Variants in CERS6 observed in about 807,000 individuals in gnomAD.
The protein encoded by CERS6 is ceramide synthase 6, also known as LAG1 homolog, ceramide synthase 6.
CERS6 carries 26 observed loss-of-function variants against 56.8 expected under a neutral mutation model. The ratio of observed to expected loss-of-function variants is 0.46; its 90% CI spans 0.34 to 0.63. CERS6 has a LOEUF of 0.63. CERS6 is among the 30% of genes least tolerant of loss of function. The pLI is 0.01. For missense variants in CERS6, 415 were observed against 467.5 expected (o/e 0.89, Z 1.04); for synonymous variants, 164 against 173.3 (o/e 0.95, Z 0.42).
intron 1 of CERS6, among the ~76,000 whole-genome samples, chr2:168,467,184 T>C (rs891093025): frequency 2.0e-5 from 3 of 152,186 alleles, no homozygotes; most frequent in Non-Finnish European, 4.4e-5. Flanking sequence ...GGAGGGTGTT[T>C]AGAAAACCAT....
intron 1 of CERS6, among the ~76,000 whole-genome samples, chr2:168,514,575 C>T (rs902522419): frequency 9.2e-5 from 14 of 152,182 alleles, no homozygotes; most frequent in African/African-American, 3.4e-4. Flanking sequence ...GGAAGGTTTA[C>T]TTATTAGCAA....
chr2:168,759,455 G>T (rs1684507160), intron 8 of CERS6, among the ~76,000 whole-genome samples: 1 of 152,132 alleles, frequency 6.6e-6, no homozygotes, highest in Admixed American at 6.5e-5. Flanking sequence ...AATGGTCTCA[G>T]GTCCCTTCTG....
intron 1 of CERS6, among the ~76,000 whole-genome samples, chr2:168,535,643 C>T (rs1695248227): frequency 6.7e-6 from 1 of 148,856 alleles, no homozygotes; most frequent in African/African-American, 2.5e-5. Flanking sequence ...GCCATCTTGG[C>T]CCTGCCCAAC....
chr2:168,486,537 T>TTTTTTC (rs1694279122), intron 1 of CERS6, among the ~76,000 whole-genome samples: 1 of 151,594 alleles, frequency 6.6e-6, no homozygotes, highest in Non-Finnish European at 1.5e-5. Flanking sequence ...TTTTTTTTTT[T>TTTTTTC]TGCCTATGGC....
At chr2:168,548,733 T>C (rs1462634046) in intron 2 of CERS6, among the ~76,000 whole-genome samples, 1 of 152,246 alleles carries the variant, frequency 6.6e-6, no homozygotes, top group African/African-American at 2.4e-5. Flanking sequence ...CAAACACTTT[T>C]ATCTATTTTA....
chr2:168,758,264 GCT>G (rs1684470084), intron 8 of CERS6, among the ~76,000 whole-genome samples: 1 of 152,154 alleles, frequency 6.6e-6, no homozygotes. Context: ...CCATTCAAAA[GCT>G]CTGAAGTAAA....
At chr2:168,663,570 T>A (rs1026147097) in intron 4 of CERS6, among the ~76,000 whole-genome samples, 2 of 152,186 alleles carry the variant, frequency 1.3e-5, no homozygotes, top group African/African-American at 4.8e-5. Flanking sequence ...AATTCACATT[T>A]TCTATATAGA....
chr2:168,596,822 A>G (rs959450825), intron 3 of CERS6, among the ~76,000 whole-genome samples: 4 of 152,146 alleles, frequency 2.6e-5, no homozygotes, highest in African/African-American at 9.7e-5. Flanking sequence ...GTGAACCACC[A>G]TGCCCGGCTC....
chr2:168,529,085 A>G (rs1695121194), intron 1 of CERS6, among the ~76,000 whole-genome samples: 1 of 152,250 alleles, frequency 6.6e-6, no homozygotes, highest in South Asian at 2.1e-4. Context: ...CCATTGTGCC[A>G]GGAGCATGTG....
intron 3 of CERS6, among the ~76,000 whole-genome samples, chr2:168,619,192 C>T (rs1684401240): frequency 6.6e-6 from 1 of 152,322 alleles, no homozygotes; most frequent in African/African-American, 2.4e-5. Context: ...CCTCATCTCT[C>T]ATCTACAAAA....
intron 4 of CERS6, among the ~76,000 whole-genome samples, chr2:168,670,314 C>G (rs538052083): frequency 6.6e-6 from 1 of 152,222 alleles, no homozygotes; most frequent in Non-Finnish European, 1.5e-5. Flanking sequence ...TCCAACTTAC[C>G]AGAGAATACC....
intron 8 of CERS6, among the ~76,000 whole-genome samples, chr2:168,720,792 G>C (rs1203867766): frequency 7.9e-5 from 12 of 152,094 alleles, no homozygotes; most frequent in Non-Finnish European, 1.5e-5. Context: ...CTTAGGAAAT[G>C]AGTAAGAAAA....
chr2:168,760,766 A>ATTTATTT (rs1224521892), intron 8 of CERS6, among the ~76,000 whole-genome samples: 2 of 127,240 alleles, frequency 1.6e-5, no homozygotes, highest in African/African-American at 5.1e-5. Context: ...TTATTTATTT[A>ATTTATTT]TTTTTTTGAG....
At chr2:168,698,288 A>T (rs1341337722) in intron 6 of CERS6, among the ~76,000 whole-genome samples, 1 of 149,408 alleles carries the variant, frequency 6.7e-6, no homozygotes, top group Non-Finnish European at 1.5e-5. Context: ...AACACCTGAG[A>T]CTGGGTAATT....
chr2:168,647,181 G>A (rs183023657), intron 4 of CERS6, among the ~76,000 whole-genome samples: 78 of 152,160 alleles, frequency 5.1e-4, no homozygotes, highest in African/African-American at 1.8e-3. Context: ...GTGTTTTGTT[G>A]TTTGTGTCTT....
At chr2:168,700,582 T>TATTAAA (rs1686782431) in intron 6 of CERS6, among the ~76,000 whole-genome samples, 14 of 152,308 alleles carry the variant, frequency 9.2e-5, no homozygotes, top group Admixed American at 8.5e-4. Flanking sequence ...AAGTCCTTAT[T>TATTAAA]TTTGTCATTT....
intron 3 of CERS6, among the ~76,000 whole-genome samples, chr2:168,622,322 C>T (rs528017684): frequency 7.2e-5 from 11 of 152,304 alleles, no homozygotes; most frequent in African/African-American, 1.4e-4. Context: ...TATGCTGGGC[C>T]GCATTCAAAG....
chr2:168,545,579 C>A (rs1277454209), intron 1 of CERS6, among the ~76,000 whole-genome samples: 5 of 151,530 alleles, frequency 3.3e-5, no homozygotes, highest in Admixed American at 2.6e-4. Flanking sequence ...TTTCTTGACT[C>A]CCCTACTGCC....
At chr2:168,674,116 C>T (rs559017893) in intron 4 of CERS6, among the ~76,000 whole-genome samples, 45 of 152,192 alleles carry the variant, frequency 3.0e-4, no homozygotes, top group Admixed American at 1.5e-3. Context: ...AAAAGCAAGT[C>T]AAATTTCATG....
Sources: allele counts gnomAD v4.1 joint callset (sites outside exome capture counted in the v4.1 genomes callset), GRCh38; gene constraint gnomAD v4.1.1; transcripts MANE v1.5; gene names NCBI Gene and HGNC (gene_info 2026-07-23, HGNC 2026-07-21).